MYO1B: variants seen among roughly 807,000 people sequenced by gnomAD.
The protein encoded by MYO1B is myosin IB, also known as unconventional myosin-Ib.
Under a neutral mutation model 159.7 loss-of-function variants are expected in MYO1B, and 72 were observed. The observed-to-expected ratio is 0.45, with a 90% CI of 0.37 to 0.55. The LOEUF is 0.55. Among genes scored for constraint, MYO1B ranks in the 20% least tolerant of loss-of-function variants. The pLI, the probability that MYO1B is intolerant of heterozygous loss-of-function variation, is 0.00. For missense variants in MYO1B, 1,062 were observed against 1,364.8 expected, an observed-to-expected ratio of 0.78 and a Z score of 3.50; for synonymous variants, 468 against 473.8, an observed-to-expected ratio of 0.99 and a Z score of 0.16.
At chr2:191,252,249 G>T (rs868005997) in intron 1 of MYO1B, among the ~76,000 whole-genome samples, 1 of 152,158 alleles carries the variant, frequency 6.6e-6, no homozygotes. Context: ...AAAAGTTCTC[G>T]CTTGCCTGAA....
intron 20 of MYO1B, among the ~76,000 whole-genome samples, chr2:191,393,567 C>T (rs146439756): frequency 1.1e-4 from 17 of 152,262 alleles, no homozygotes; most frequent in Non-Finnish European, 1.8e-4. Context: ...AGACAATATC[C>T]TTTAAGCTTT....
chr2:191,288,526 A>G (rs193275198), intron 2 of MYO1B, among the ~76,000 whole-genome samples: 110 of 152,330 alleles, frequency 7.2e-4, no homozygotes, highest in South Asian at 3.5e-3. Flanking sequence ...TTTAATGTCT[A>G]GAGAAGTTAA....
In MYO1B at chr2:191,394,930, C is replaced by T. The variant is rs555473790; in HGVS notation, c.2227-1499C>T. ...CTTTGTTCTAATGTTACATCTCTTT[C>T]AAAATTTGAACTACATACCTCAACC... On this transcript the variant is annotated intron_variant, in intron 20 of 30. Transcript: ENST00000392318. Among the ~76,000 whole-genome samples, 216 of 152,288 alleles carry T rather than the reference C, an allele frequency of 1.4e-3. 1 individual carries two copies. The highest frequency in any genetic ancestry group is 2.0e-3 in the Non-Finnish European group (137 of 68,030).
At chr2:191,264,474 A>AT (rs1431092946) in intron 1 of MYO1B, among the ~76,000 whole-genome samples, 1 of 139,882 alleles carries the variant, frequency 7.1e-6, no homozygotes, top group Non-Finnish European at 1.6e-5. Flanking sequence ...TTAATTTGTA[A>AT]TCTTTAGACT....
intron 3 of MYO1B, among the ~76,000 whole-genome samples, chr2:191,326,261 A>G (rs1047747364): frequency 1.3e-5 from 2 of 152,224 alleles, no homozygotes; most frequent in East Asian, 3.9e-4. Flanking sequence ...GAAGACTGGC[A>G]TGTGGTTTCA....
intron 30 of MYO1B, chr2:191,416,530 G>A: frequency 3.1e-6 from 1 of 319,242 alleles, no homozygotes. Context: ...GAGTCAGAGA[G>A]TAGGCCAGGC....
At position 191,302,210 on chromosome 2, in the gene MYO1B, G is replaced by A. The variant is rs186903996; in HGVS notation, c.251+5984G>A. ...CTGAGTTATCAGACCACTCGTGGTC[G>A]TCAACACACCTCTTCTTGCTATGGT... On this transcript the variant is annotated intron_variant, in intron 3 of 30. Transcript: ENST00000392318. 2.7e-3 allele frequency among the ~76,000 whole-genome samples: 410 copies of A among 152,302 alleles called. 1 individual carries two copies. Among genetic ancestry groups the A allele is most frequent in the African/African-American group, 9.2e-3 (383 of 41,560 alleles).
At chr2:191,258,746 T>G (rs1439403633) in intron 1 of MYO1B, among the ~76,000 whole-genome samples, 1 of 152,152 alleles carries the variant, frequency 6.6e-6, no homozygotes, top group Non-Finnish European at 1.5e-5. Context: ...GAGGATCAAG[T>G]CGTTGGGTTT....
Position 191,276,524 on chromosome 2 carries a change from A to G in MYO1B, c.-9-363A>G, listed in dbSNP as rs189490761. Among the ~76,000 whole-genome samples the G allele has an allele frequency of 3.9e-3, 589 of 152,272 alleles. 4 individuals are homozygous for G. The highest frequency in any genetic ancestry group is 0.014 in the African/African-American group (564 of 41,562). The stretch of plus-strand genomic sequence containing the variant: ...AGGAAGCAGGTTCATATAGTCTGAC[A>G]TTGGTACACAAGGGCTGAGGGAAAG... On this transcript the variant is annotated intron_variant, in intron 1 of 30. Transcript: ENST00000392318.
At chr2:191,396,901 T>G (rs867057016) in intron 21 of MYO1B, among the ~76,000 whole-genome samples, 33 of 152,196 alleles carry the variant, frequency 2.2e-4, no homozygotes, top group African/African-American at 7.7e-4. Context: ...CCATCACGAT[T>G]GAAAGATCCT....
chr2:191,297,903 G>C (rs1187766772), intron 3 of MYO1B, among the ~76,000 whole-genome samples: 2 of 152,194 alleles, frequency 1.3e-5, no homozygotes, highest in Non-Finnish European at 2.9e-5. Context: ...CAAAGCATAT[G>C]CAGCCCTTCA....
chr2:191,265,629 G>A (rs186910622), intron 1 of MYO1B, among the ~76,000 whole-genome samples: 4 of 152,142 alleles, frequency 2.6e-5, no homozygotes, highest in Non-Finnish European at 5.9e-5. Flanking sequence ...ACAGTTTTAC[G>A]TTCACTTAGG....
At chr2:191,271,866 A>T (rs188531211) in intron 1 of MYO1B, among the ~76,000 whole-genome samples, 1 of 152,192 alleles carries the variant, frequency 6.6e-6, no homozygotes, top group South Asian at 2.1e-4. Context: ...TTGGGGGGCT[A>T]TGTTGGTCTT....
At chr2:191,405,989 A>G (rs1004291759) in intron 24 of MYO1B, among the ~76,000 whole-genome samples, 1 of 152,260 alleles carries the variant, frequency 6.6e-6, no homozygotes. Flanking sequence ...TCTTCTTCCA[A>G]TAGCAGGCTG....
At chr2:191,348,600 C>A (rs1472760121) in intron 6 of MYO1B, among the ~76,000 whole-genome samples, 1 of 151,094 alleles carries the variant, frequency 6.6e-6, no homozygotes, top group African/African-American at 2.4e-5. Flanking sequence ...TTTTTTTTTC[C>A]TCTCTCATCT....
intron 11 of MYO1B, 89 bp downstream of exon 11, chr2:191,364,365 C>A: frequency 9.7e-7 from 1 of 1,030,516 alleles, no homozygotes. Flanking sequence ...AGTTTACAGG[C>A]TGTTACCTGA....
chr2:191,308,641 T>G (rs146915844), intron 3 of MYO1B, among the ~76,000 whole-genome samples: 1 of 152,348 alleles, frequency 6.6e-6, no homozygotes, highest in African/African-American at 2.4e-5. Flanking sequence ...TTTGTTTCCT[T>G]TATTACCAAA....
chr2:191,402,448 AAAT>A, intron 23 of MYO1B, 181 bp from the exon 24 acceptor site: 1 of 595,692 alleles, frequency 1.7e-6, no homozygotes, highest in South Asian at 2.0e-5. Context: ...AGTGCACTGA[AAAT>A]ATAAGCGCTG....
chr2:191,400,753 G>T lies in MYO1B; in HGVS notation c.2387G>T (p.Arg796Leu). The T allele has an allele frequency of 6.2e-7, 1 of 1,613,934 alleles. No individual in the cohort carries two copies. The highest frequency in any genetic ancestry group is 8.5e-7 in the Non-Finnish European group (1 of 1,179,888). Reference sequence around the variant, plus strand: ...TCCTTTTCAAATGCATCACAGGCACGAAGGGAACTGAGACGGCTGAAGGAG... The same window carrying T: ...TCCTTTTCAAATGCATCACAGGCACTAAGGGAACTGAGACGGCTGAAGGAG... ...IAAYWHGTQA[R>L]RELRRLKEEA... The change falls in exon 23 of 31, where the codon CGA becomes CTA. Residue 796 changes from arginine (R) to leucine (L), a missense_variant. Transcript: ENST00000392318.
Sources: gnomAD v4.1 joint callset for allele counts (sites outside exome capture counted in the v4.1 genomes callset) on GRCh38, gnomAD v4.1.1 for gene constraint, MANE v1.5 for transcripts, NCBI Gene and HGNC (gene_info 2026-07-23, HGNC 2026-07-21) for gene names.